XKR6: variants seen among roughly 807,000 people sequenced by gnomAD.
XKR6 encodes the protein XK-related protein 6.
A neutral mutation model predicts 56.7 loss-of-function variants in XKR6; 22 were observed. The ratio of observed to expected loss-of-function variants is 0.39; its 90% CI spans 0.28 to 0.55. The LOEUF is 0.55. Ranked by LOEUF, XKR6 falls within the 20% of genes least tolerant of loss-of-function variation. The pLI, the probability that XKR6 is intolerant of heterozygous loss-of-function variation, is 0.66. For synonymous variants in XKR6, 524 were observed against 387.8 expected, an observed-to-expected ratio of 1.35 and a Z score of -4.13; for missense variants, 852 against 889.0, an observed-to-expected ratio of 0.96 and a Z score of 0.53.
At chr8:10,954,881 T>C (rs960544194) in intron 1 of XKR6, among the ~76,000 whole-genome samples, 1 of 148,016 alleles carries the variant, frequency 6.8e-6, no homozygotes, top group Non-Finnish European at 1.5e-5. Flanking sequence ...TTTTTTTTTT[T>C]TTTTTAGACA....
chr8:11,115,016 C>T (rs1026196646), intron 1 of XKR6, among the ~76,000 whole-genome samples: 2 of 152,142 alleles, frequency 1.3e-5, no homozygotes, highest in African/African-American at 2.4e-5. Flanking sequence ...ATCAGTGAGT[C>T]TGGAGTCGTC....
intron 2 of XKR6, among the ~76,000 whole-genome samples, chr8:10,911,374 CAGAG>C (rs1243981300): frequency 8.2e-6 from 1 of 122,360 alleles, no homozygotes; most frequent in Admixed American, 8.6e-5. Context: ...TATATATAGA[CAGAG>C]AGGGAGAATA....
chr8:11,201,280 C>T lies in XKR6; in HGVS notation c.60G>A (p.Leu20=). 1 of 1,582,178 alleles carries T rather than the reference C, an allele frequency of 6.3e-7. No homozygotes were observed. The highest frequency in any genetic ancestry group is 8.5e-7 in the Non-Finnish European group (1 of 1,174,026). The part of the protein sequence containing the change: ...VGVGFAQLHN[L]DEAVGSGGEE... ...CGCCGCCGCTGCCCACCGCCTCGTC[C>T]AGGTTGTGCAGCTGAGCGAAGCCCA... Residue 20 remains leucine (L), a synonymous_variant, in exon 1 of 3, where the codon CTG becomes CTA. Transcript: ENST00000416569.
intron 1 of XKR6, among the ~76,000 whole-genome samples, chr8:10,944,730 C>A (rs142355175): frequency 1.3e-5 from 2 of 152,264 alleles, no homozygotes; most frequent in East Asian, 3.9e-4. Context: ...ACACACCCTG[C>A]CCCCAACATA....
In XKR6 at chr8:11,178,562, ATATATATATATG is replaced by A. The variant is rs1563197849; in HGVS notation, c.764+22002_764+22013del. Among the ~76,000 whole-genome samples, 260 of 142,886 alleles carry A rather than the reference ATATATATATATG, an allele frequency of 1.8e-3. 2 individuals carry two copies. Among genetic ancestry groups the A allele is most frequent in the Non-Finnish European group, 2.7e-3 (176 of 66,130 alleles). 93.7% of individuals were successfully genotyped at this position (142,886 alleles called of 152,430 possible). The stretch of plus-strand genomic sequence containing the variant: ...GAGAGGTAAAAATATATATATATAT[ATATATATATATG>A]TATATATATATGTACTACACACACA... On this transcript the variant is annotated intron_variant, in intron 1 of 2. Transcript: ENST00000416569.
At chr8:10,962,516 A>G (rs1802094607) in intron 1 of XKR6, among the ~76,000 whole-genome samples, 1 of 152,216 alleles carries the variant, frequency 6.6e-6, no homozygotes, top group African/African-American at 2.4e-5. Context: ...ACGATGTCTT[A>G]CATCTTTTGG....
At chr8:11,156,862 G>C (rs1440932789) in intron 1 of XKR6, among the ~76,000 whole-genome samples, 1 of 151,886 alleles carries the variant, frequency 6.6e-6, no homozygotes, top group East Asian at 1.9e-4. Flanking sequence ...CACACACACA[G>C]AGTCCTTCAG....
intron 1 of XKR6, chr8:11,066,830 G>A (rs1322952868): frequency 6.6e-6 from 1 of 152,178 alleles, no homozygotes; most frequent in Non-Finnish European, 1.5e-5. Flanking sequence ...ACAGGCTGGG[G>A]GAACAGTCGA....
At chr8:11,176,956 G>A (rs1802690218) in intron 1 of XKR6, among the ~76,000 whole-genome samples, 1 of 152,208 alleles carries the variant, frequency 6.6e-6, no homozygotes, top group African/African-American at 2.4e-5. Context: ...AAGGTGGGGA[G>A]GAGAGGGCAA....
intron 1 of XKR6, chr8:11,108,337 T>A: frequency 2.2e-6 from 1 of 456,176 alleles, no homozygotes; most frequent in South Asian, 1.5e-5. Flanking sequence ...AATCCTAAAT[T>A]TCCAGTCACT....
rs74438136 is a variant in XKR6, at chr8:11,027,844, A to G, written c.765-103014T>C. Among the ~76,000 whole-genome samples the G allele has an allele frequency of 1.5e-4, 23 of 152,188 alleles. No individual in the cohort carries two copies. In the East Asian group the frequency reaches 4.2e-3, roughly 28 times the overall value. The stretch of plus-strand genomic sequence containing the variant: ...CTCCCCCTGGCGCCTCCTACCTACA[A>G]GGCCCACAGTTACAGCCTTTGAGGC... On this transcript the variant is annotated intron_variant, in intron 1 of 2. Coordinates refer to ENST00000416569, the MANE Select transcript of XKR6 (RefSeq NM_173683.4).
chr8:10,913,657 G>A (rs867488983), intron 2 of XKR6, among the ~76,000 whole-genome samples: 3 of 152,312 alleles, frequency 2.0e-5, no homozygotes, highest in East Asian at 1.9e-4. Flanking sequence ...GACCTGCCCC[G>A]GTGCACTCAG....
intron 2 of XKR6, among the ~76,000 whole-genome samples, chr8:10,921,686 C>G (rs1386059518): frequency 6.6e-6 from 1 of 152,154 alleles, no homozygotes; most frequent in East Asian, 1.9e-4. Flanking sequence ...CATCAGGAGC[C>G]CATCTGTCTA....
chr8:11,139,194 T>C (rs1278860784), intron 1 of XKR6, among the ~76,000 whole-genome samples: 1 of 152,194 alleles, frequency 6.6e-6, no homozygotes, highest in African/African-American at 2.4e-5. Context: ...CTTTCCTCCA[T>C]GAAATAAGAT....
rs574273145 is a variant in XKR6, at chr8:11,148,191, C to G, written c.764+52385G>C. Among the ~76,000 whole-genome samples the G allele has an allele frequency of 3.7e-4, 56 of 152,208 alleles. No individual in the cohort carries two copies. The South Asian group carries it at 9.5e-3, about 26-fold the overall frequency. On this transcript the variant is annotated intron_variant, in intron 1 of 2. Coordinates refer to ENST00000416569, the MANE Select transcript of XKR6 (RefSeq NM_173683.4). ...TACCACTGTACTCCAGCCTGGGCGACAGAGCAAGACCCTGTCTCAAAAACA... is the reference window on the plus strand; with the variant it reads ...TACCACTGTACTCCAGCCTGGGCGAGAGAGCAAGACCCTGTCTCAAAAACA...
chr8:10,925,992 C>G (rs911457327), intron 1 of XKR6, among the ~76,000 whole-genome samples: 1 of 152,142 alleles, frequency 6.6e-6, no homozygotes, highest in Non-Finnish European at 1.5e-5. Context: ...AAACAGGAAC[C>G]GTAAACTGGG....
intron 1 of XKR6, among the ~76,000 whole-genome samples, chr8:11,141,372 C>T (rs182846060): frequency 2.6e-5 from 4 of 152,284 alleles, no homozygotes; most frequent in Non-Finnish European, 5.9e-5. Context: ...TAGATGAGGT[C>T]ATGAGGGTAG....
chr8:10,999,346 G>C (rs1293463604), intron 1 of XKR6, among the ~76,000 whole-genome samples: 1 of 152,202 alleles, frequency 6.6e-6, no homozygotes, highest in African/African-American at 2.4e-5. Context: ...ACATAATATG[G>C]TGTTGAAAGA....
intron 1 of XKR6, among the ~76,000 whole-genome samples, chr8:11,013,305 T>C (rs1798542354): frequency 6.6e-6 from 1 of 152,148 alleles, no homozygotes; most frequent in African/African-American, 2.4e-5. Context: ...TTTCTAAAGG[T>C]TTCTCCTTTA....
Sources: gnomAD v4.1 joint callset for allele counts (sites outside exome capture counted in the v4.1 genomes callset) on GRCh38, gnomAD v4.1.1 for gene constraint, MANE v1.5 for transcripts, NCBI Gene and HGNC (gene_info 2026-07-23, HGNC 2026-07-21) for gene names.